Variants in MAPK8IP3 observed in about 807,000 individuals in gnomAD.
MAPK8IP3 encodes the protein C-Jun-amino-terminal kinase-interacting protein 3.
In MAPK8IP3, 49 loss-of-function variants were observed where a neutral mutation model predicts 157.8. That is an observed-to-expected ratio of 0.31 (90% CI 0.25 to 0.39). MAPK8IP3 has a LOEUF of 0.39. Among genes scored for constraint, MAPK8IP3 ranks in the 10% least tolerant of loss-of-function variants. MAPK8IP3 has a pLI of 1.00. For synonymous variants in MAPK8IP3, 897 were observed against 777.7 expected (o/e 1.15, Z -2.55); for missense variants, 1,478 against 1,889.4 (o/e 0.78, Z 4.04).
intron 14 of MAPK8IP3, 33 bp from the exon 15 acceptor site, chr16:1,762,642 C>G: frequency 6.5e-7 from 1 of 1,542,322 alleles, no homozygotes; most frequent in Non-Finnish European, 8.8e-7. Flanking sequence ...CGTGAGGGCA[C>G]TAGCAGGTTG....
chr16:1,712,601 G>A (rs1401020114), intron 1 of MAPK8IP3, among the ~76,000 whole-genome samples: 2 of 152,198 alleles, frequency 1.3e-5, no homozygotes, highest in African/African-American at 4.8e-5. Context: ...GGGGATCTGA[G>A]TGACAAGGTG....
Position 1,725,149 on chromosome 16 carries a change from TTTATTATTATTATTA to T in MAPK8IP3, c.439+495_439+509del, listed in dbSNP as rs71145429. 4.2e-5 allele frequency among the ~76,000 whole-genome samples: 6 copies of T among 144,468 alleles called. 1 individual carries two copies. In the South Asian group the frequency reaches 6.6e-4, roughly 16 times the overall value. The allele number at this position is 144,468 out of a possible 152,430, so 94.8% of individuals were successfully genotyped here. ...CTGCAAGGCGAAGTAGCAGAAAGGG[TTTATTATTATTATTA>T]TTATTATTATTATTATTATTATAAG... On this transcript the variant is annotated intron_variant, in intron 2 of 31. Coordinates refer to ENST00000610761, the MANE Select transcript of MAPK8IP3 (RefSeq NM_001318852.2).
Position 1,766,951 on chromosome 16 carries a change from C to T in MAPK8IP3, c.3068C>T (p.Ala1023Val), listed in dbSNP as rs901826253. The T allele has an allele frequency of 6.9e-6, 11 of 1,590,624 alleles. No homozygotes were observed. The African/African-American group carries it at 1.2e-4, about 17-fold the overall frequency. The change falls in exon 25 of 32, where the codon GCC (alanine) becomes GTC (valine). Residue 1023 changes from alanine to valine, a missense_variant. Physicochemically the swap from Ala to Val is moderately conservative, Grantham distance 64. Transcript: ENST00000610761. Reference protein sequence around the residue: ...VLVALADGTLAIFHRGEDGQW... With the variant: ...VLVALADGTLVIFHRGEDGQW... ...GTGGCTCTGGCGGACGGGACCCTGG[C>T]CATCTTCCACCGTGGTGAAGGTGGG...
intron 19 of MAPK8IP3, among the ~76,000 whole-genome samples, 157 bp from the exon 20 acceptor site, chr16:1,764,856 G>A (rs1435884750): frequency 3.9e-5 from 6 of 152,192 alleles, no homozygotes; most frequent in African/African-American, 1.4e-4. Context: ...GTGCAGTCCT[G>A]AGTCCGCATT....
At chr16:1,749,651 C>T (rs1043155858) in intron 8 of MAPK8IP3, among the ~76,000 whole-genome samples, 1 of 152,244 alleles carries the variant, frequency 6.6e-6, no homozygotes, top group East Asian at 1.9e-4. Context: ...GCATGACAGG[C>T]GGGCAGTAGG....
At chr16:1,736,304 G>A (rs111208266) in intron 4 of MAPK8IP3, among the ~76,000 whole-genome samples, 1,490 of 82,192 alleles carry the variant, frequency 0.018, 66 homozygotes, top group East Asian at 0.055. Flanking sequence ...GACCGTGAGC[G>A]TCCGTGTGAG....
intron 16 of MAPK8IP3, 38 bp from the exon 17 acceptor site, chr16:1,763,619 C>A: frequency 2.0e-6 from 3 of 1,502,774 alleles, no homozygotes; most frequent in Non-Finnish European, 2.7e-6. Flanking sequence ...GGGCCGCTCA[C>A]CCTGGACAGA....
chr16:1,712,718 A>C (rs1596538201), intron 1 of MAPK8IP3, among the ~76,000 whole-genome samples: 1 of 151,882 alleles, frequency 6.6e-6, no homozygotes, highest in Admixed American at 6.6e-5. Flanking sequence ...GCTGCCCCCC[A>C]TTCTGCAGAC....
At position 1,768,499 on chromosome 16, in the gene MAPK8IP3, T is replaced by C. The variant is rs375551264; in HGVS notation, c.3765T>C (p.Asn1255=). 51 of 1,560,898 alleles carry C rather than the reference T, an allele frequency of 3.3e-5. No individual in the cohort carries two copies. The highest frequency in any genetic ancestry group is 4.2e-5 in the Non-Finnish European group (49 of 1,156,430). The part of the protein sequence containing the change: ...SVPGNVLATL[N]GSVLDSPAEG... Reference sequence around the variant, plus strand: ...CAGGGAACGTGCTGGCCACCCTGAATGGGAGTGTGCTGGACAGCCCAGCCG... The same window carrying C: ...CAGGGAACGTGCTGGCCACCCTGAACGGGAGTGTGCTGGACAGCCCAGCCG... The change falls in exon 31 of 32, where the codon AAT becomes AAC. Residue 1255 remains asparagine (N), a synonymous_variant. Coordinates refer to ENST00000610761, the MANE Select transcript of MAPK8IP3 (RefSeq NM_001318852.2).
intron 10 of MAPK8IP3, among the ~76,000 whole-genome samples, 197 bp from the exon 11 acceptor site, chr16:1,759,761 G>T (rs1239401392): frequency 6.6e-6 from 1 of 152,242 alleles, no homozygotes; most frequent in Non-Finnish European, 1.5e-5. Context: ...CCACCCCAAG[G>T]CCTGGGAGCC....
At chr16:1,712,570 T>C (rs750430042) in intron 1 of MAPK8IP3, among the ~76,000 whole-genome samples, 2 of 152,134 alleles carry the variant, frequency 1.3e-5, no homozygotes, top group East Asian at 1.9e-4. Flanking sequence ...AGACTGGACA[T>C]CTCAGGTGGT....
intron 10 of MAPK8IP3, 118 bp downstream of exon 10, chr16:1,759,113 A>AG: frequency 4.4e-6 from 6 of 1,366,952 alleles, no homozygotes; most frequent in Admixed American, 3.5e-5. Flanking sequence ...CGCCGGGGTC[A>AG]GGGGGGCAGC....
rs1567211964 is a variant in MAPK8IP3 at position 1,766,884 on chromosome 16, T to C, written c.3021-20T>C. ...TGGCACAGCCTGGCCCAAACCAGGC[T>C]CACCGCATTCCTGTTTCAGGCATGT... On this transcript the variant is annotated intron_variant, in intron 24 of 31. Transcript: ENST00000610761. 1 of 1,607,808 alleles carries C rather than the reference T, an allele frequency of 6.2e-7. No homozygotes were observed.
At chr16:1,757,444 A>C (rs929501009) in intron 8 of MAPK8IP3, among the ~76,000 whole-genome samples, 2 of 152,134 alleles carry the variant, frequency 1.3e-5, no homozygotes, top group African/African-American at 4.8e-5. Context: ...TGTGTGAAAC[A>C]ACCAAGTAGA....
At chr16:1,731,125 G>C (rs535502355) in intron 4 of MAPK8IP3, among the ~76,000 whole-genome samples, 212 of 152,250 alleles carry the variant, frequency 1.4e-3, no homozygotes, top group African/African-American at 4.9e-3. Flanking sequence ...GGGCGACAGA[G>C]AGTCCATCTC....
At chr16:1,754,007 C>A (rs185194942) in intron 8 of MAPK8IP3, among the ~76,000 whole-genome samples, 54 of 151,780 alleles carry the variant, frequency 3.6e-4, no homozygotes, top group Admixed American at 1.0e-3. Context: ...CCCATCTCTA[C>A]TAAAAATACA....
At chr16:1,750,226 A>C (rs2041211253) in intron 8 of MAPK8IP3, among the ~76,000 whole-genome samples, 1 of 150,938 alleles carries the variant, frequency 6.6e-6, no homozygotes, top group Admixed American at 6.6e-5. Flanking sequence ...TTATTTATTT[A>C]TTTCTTAGAC....
At chr16:1,761,175 AGG>A in intron 12 of MAPK8IP3, 47 bp from the exon 13 acceptor site, 1 of 1,472,606 alleles carries the variant, frequency 6.8e-7, no homozygotes, top group Non-Finnish European at 9.5e-7. Context: ...TGTGTTCCCG[AGG>A]CCCCTGGGAG....
chr16:1,748,977 C>A, intron 8 of MAPK8IP3: 1 of 601,558 alleles, frequency 1.7e-6, no homozygotes, highest in Non-Finnish European at 3.1e-6. Context: ...TGTTTGCACC[C>A]TCCCGTGTAC....
Sources: gnomAD v4.1 joint callset for allele counts (sites outside exome capture counted in the v4.1 genomes callset) on GRCh38, gnomAD v4.1.1 for gene constraint, MANE v1.5 for transcripts, NCBI Gene and HGNC (gene_info 2026-07-23, HGNC 2026-07-21) for gene names.